Variants in SLC16A7 observed in about 807,000 individuals in gnomAD.
The protein encoded by SLC16A7 is monocarboxylate transporter 2.
A neutral mutation model predicts 34.9 loss-of-function variants in SLC16A7; 33 were observed. That is an observed-to-expected ratio of 0.94 (90% CI 0.72 to 1.26). The LOEUF (loss-of-function observed/expected upper bound fraction) is 1.26. Among genes scored for constraint, SLC16A7 ranks in the 50% most tolerant of loss-of-function variants. The pLI is 0.00. For synonymous variants in SLC16A7, 201 were observed against 206.6 expected, an observed-to-expected ratio of 0.97 and a Z score of 0.23; for missense variants, 573 against 578.1, an observed-to-expected ratio of 0.99 and a Z score of 0.09.
At chr12:59,718,775 A>C (rs1276651971) in intron 3 of SLC16A7, among the ~76,000 whole-genome samples, 1 of 152,160 alleles carries the variant, frequency 6.6e-6, no homozygotes, top group Non-Finnish European at 1.5e-5. Context: ...GAAGGAAATA[A>C]GTATCACATG....
At chr12:59,634,490 GA>G (rs2136997946) in intron 1 of SLC16A7, among the ~76,000 whole-genome samples, 1 of 152,060 alleles carries the variant, frequency 6.6e-6, no homozygotes, top group South Asian at 2.1e-4. Context: ...TTAGTAGGTG[GA>G]AAATTACTAA....
intron 3 of SLC16A7, among the ~76,000 whole-genome samples, chr12:59,741,681 G>A (rs936241814): frequency 2.0e-5 from 3 of 152,136 alleles, no homozygotes; most frequent in East Asian, 1.9e-4. Flanking sequence ...GAAAATTCAC[G>A]GGAATCTCTG....
intron 2 of SLC16A7, among the ~76,000 whole-genome samples, chr12:59,692,321 C>A (rs1200750132): frequency 6.6e-6 from 1 of 151,970 alleles, no homozygotes; most frequent in Non-Finnish European, 1.5e-5. Context: ...TTTATACACT[C>A]TTTTGCCATA....
At chr12:59,669,686 G>A (rs1435715999) in intron 2 of SLC16A7, among the ~76,000 whole-genome samples, 1 of 74,776 alleles carries the variant, frequency 1.3e-5, no homozygotes, top group African/African-American at 6.3e-5. Context: ...ACACACACAC[G>A]ATTTATCTAA....
intron 2 of SLC16A7, among the ~76,000 whole-genome samples, chr12:59,687,284 G>C (rs557840095): frequency 1.3e-5 from 2 of 151,684 alleles, no homozygotes; most frequent in African/African-American, 2.4e-5. Flanking sequence ...TCCTATTTTT[G>C]TCCCTGCTAT....
At chr12:59,763,167 G>A (rs929199629) in intron 3 of SLC16A7, among the ~76,000 whole-genome samples, 1 of 151,880 alleles carries the variant, frequency 6.6e-6, no homozygotes, top group Non-Finnish European at 1.5e-5. Flanking sequence ...AAATCAATAG[G>A]CATCCTGTAT....
rs1385592707 is a variant in SLC16A7 at position 59,775,459 on chromosome 12, T to C, written c.1164T>C (p.Leu388=). 6.2e-7 allele frequency: 1 copy of C among 1,613,152 alleles called. No homozygotes were observed. The highest frequency in any genetic ancestry group is 1.3e-5 in the African/African-American group (1 of 75,032). Residue 388 remains leucine, a synonymous_variant, in exon 5 of 6, where the codon CTT becomes CTC. Transcript: ENST00000547379. ...TTGTGGAGTGTGGCCCAGTTCTTCT[T>C]GGCCCTCCTCTTGCAGGTAAGAACG... The part of the protein sequence containing the change: ...VTIVECGPVL[L]GPPLAGKLVD...
intron 1 of SLC16A7, among the ~76,000 whole-genome samples, chr12:59,623,310 G>A (rs1403141969): frequency 6.6e-6 from 1 of 151,332 alleles, no homozygotes; most frequent in Non-Finnish European, 1.5e-5. Context: ...ATAGATTAGG[G>A]CTTTCAAATA....
At chr12:59,718,721 A>T (rs890617206) in intron 3 of SLC16A7, among the ~76,000 whole-genome samples, 5 of 152,166 alleles carry the variant, frequency 3.3e-5, no homozygotes, top group African/African-American at 1.2e-4. Flanking sequence ...TTATCCAAAG[A>T]TGTGGACAGC....
chr12:59,597,959 A>G (rs545158971), intron 1 of SLC16A7, among the ~76,000 whole-genome samples: 100 of 152,292 alleles, frequency 6.6e-4, no homozygotes, highest in African/African-American at 2.1e-3. Context: ...ATAAATGCTC[A>G]GTTTATTTCT....
chr12:59,713,698 C>T (rs1426635932), intron 3 of SLC16A7, among the ~76,000 whole-genome samples: 1 of 152,180 alleles, frequency 6.6e-6, no homozygotes, highest in African/African-American at 2.4e-5. Flanking sequence ...AGGGGACGCC[C>T]TGGCAATGGC....
intron 3 of SLC16A7, among the ~76,000 whole-genome samples, chr12:59,740,268 G>A (rs1592613898): frequency 6.6e-6 from 1 of 151,914 alleles, no homozygotes; most frequent in African/African-American, 2.4e-5. Context: ...CATATGGCTA[G>A]CCAGTTTTCC....
At chr12:59,623,228 C>T (rs1879778660) in intron 1 of SLC16A7, among the ~76,000 whole-genome samples, 1 of 151,686 alleles carries the variant, frequency 6.6e-6, no homozygotes, top group Non-Finnish European at 1.5e-5. Context: ...TGCAAATCCC[C>T]CATATCCTCA....
At chr12:59,688,691 A>G (rs1474822000) in intron 2 of SLC16A7, among the ~76,000 whole-genome samples, 2 of 152,014 alleles carry the variant, frequency 1.3e-5, no homozygotes, top group African/African-American at 2.4e-5. Flanking sequence ...GGAGTCTCAT[A>G]ATTTCATTTA....
In SLC16A7 at chr12:59,596,078, C is replaced by T. The variant is rs975237153; in HGVS notation, c.-288C>T. 2 of 151,982 alleles carry T rather than the reference C, an allele frequency of 1.3e-5. No homozygotes were observed. Among genetic ancestry groups the T allele is most frequent in the Non-Finnish European group, 2.9e-5 (2 of 68,046 alleles). The allele number at this position is 151,982 out of a possible 1,614,324, so 9.4% of individuals were successfully genotyped here. On this transcript the variant is annotated 5_prime_UTR_variant, in exon 1 of 6. Transcript: ENST00000547379. This position sits in a 1 kb window ranked among gnomAD's most constrained non-coding sequence, Gnocchi z 5.0. ...TCAGCAGCCGCGCCTCCCCTTCCCGCCACCGCCTCCTTCTCCGCTGGCTGT... is the reference window on the plus strand; with the variant it reads ...TCAGCAGCCGCGCCTCCCCTTCCCGTCACCGCCTCCTTCTCCGCTGGCTGT...
chr12:59,718,176 T>C (rs1480323148), intron 3 of SLC16A7, among the ~76,000 whole-genome samples: 4 of 152,174 alleles, frequency 2.6e-5, no homozygotes, highest in Non-Finnish European at 5.9e-5. Flanking sequence ...ATTCCAAATA[T>C]AACTCTTTAT....
intron 3 of SLC16A7, among the ~76,000 whole-genome samples, chr12:59,727,661 G>A (rs1286481917): frequency 3.3e-5 from 5 of 152,120 alleles, no homozygotes; most frequent in African/African-American, 4.8e-5. Flanking sequence ...GATAAATACC[G>A]GAGGTTTCAG....
chr12:59,678,880 C>T (rs1345962648), intron 2 of SLC16A7, among the ~76,000 whole-genome samples: 2 of 152,196 alleles, frequency 1.3e-5, no homozygotes, highest in African/African-American at 2.4e-5. Context: ...CTTTGCCTCC[C>T]TCCTGTGCTT....
At chr12:59,627,280 G>T (rs1347577498) in intron 1 of SLC16A7, among the ~76,000 whole-genome samples, 1 of 151,734 alleles carries the variant, frequency 6.6e-6, no homozygotes, top group African/African-American at 2.4e-5. Flanking sequence ...TAATTTTTTT[G>T]CACTTATTTA....
Sources: gnomAD v4.1 joint callset for allele counts (sites outside exome capture counted in the v4.1 genomes callset) on GRCh38, gnomAD v4.1.1 for gene constraint, Gnocchi (gnomAD v3.1) non-coding constraint, MANE v1.5 for transcripts, NCBI Gene and HGNC (gene_info 2026-07-23, HGNC 2026-07-21) for gene names.